Variants in ELK4 observed in about 807,000 individuals in gnomAD.
The protein encoded by ELK4 is ETS domain-containing protein Elk-4.
In ELK4, 16 loss-of-function variants were observed where a neutral mutation model predicts 29.6. That is an observed-to-expected ratio of 0.54 (90% CI 0.37 to 0.82). The LOEUF (loss-of-function observed/expected upper bound fraction) is 0.82. ELK4 is among the 40% of genes least tolerant of loss of function. The pLI is 0.00. For missense variants in ELK4, 465 were observed against 507.1 expected (o/e 0.92, Z 0.80); for synonymous variants, 213 against 191.1 (o/e 1.11, Z -0.95).
chr1:205,619,532 A>C (rs142151444), intron 3 of ELK4: 20,743 of 1,118,360 alleles, frequency 0.019, 231 homozygotes, highest in Non-Finnish European at 0.021. Flanking sequence ...TGAGATGAGC[A>C]AGTTAATAAA....
At chr1:205,619,694 G>A (rs1670296365) in intron 3 of ELK4, 2 of 1,428,928 alleles carry the variant, frequency 1.4e-6, no homozygotes, top group African/African-American at 1.4e-5. Flanking sequence ...GAGCGAGAGA[G>A]TGTGTGTACT....
At position 205,623,831 on chromosome 1, in the gene ELK4, G is replaced by T; in HGVS notation, c.52C>A (p.Pro18Thr). The T allele has an allele frequency of 1.9e-6, 3 of 1,614,184 alleles. No homozygotes were observed. Among genetic ancestry groups the T allele is most frequent in the Non-Finnish European group, 2.5e-6 (3 of 1,180,022 alleles). ...CAACAGATCATGTGCTTGTTCTGAG[G>T]CTTCTGCAGGAGCTGAAGAAGGAAC... ...WQFLLQLLQK[P>T]QNKHMICWTS... The change falls in exon 2 of 5, where the codon CCT becomes ACT. Residue 18 changes from proline (P) to threonine (T), a missense_variant. By Grantham distance (38) the Pro-to-Thr change is conservative. This residue lies in a region of ELK4 where 385 missense variants were observed against 387.5 expected (regional missense o/e 0.99). Coordinates refer to ENST00000357992, the MANE Select transcript of ELK4 (RefSeq NM_001973.4).
At position 205,609,349 on chromosome 1, in the gene ELK4, GGACT is replaced by G. The variant is rs1251168108; in HGVS notation, c.*7193_*7196del. On this transcript the variant is annotated 3_prime_UTR_variant, in exon 5 of 5. Transcript: ENST00000357992. ...AAAGCTAACCAGTAGCAAAATGACT[GGACT>G]GAATTTCATATTTAATCTTCCCTGC... 2 of 191,194 alleles carry G rather than the reference GGACT, an allele frequency of 1.0e-5. No individual in the cohort carries two copies. The highest frequency in any genetic ancestry group is 2.3e-5 in the African/African-American group (1 of 42,914). 11.8% of individuals were successfully genotyped at this position (191,194 alleles called of 1,614,324 possible).
Position 205,613,346 on chromosome 1 carries a change from A to AAAAAAG in ELK4, c.*3194_*3199dup, listed in dbSNP as rs966406606. 1 of 186,432 alleles carries AAAAAAG rather than the reference A, an allele frequency of 5.4e-6. No individual in the cohort carries two copies. The highest frequency in any genetic ancestry group is 1.1e-5 in the Non-Finnish European group (1 of 88,320). 11.5% of individuals were successfully genotyped at this position (186,432 alleles called of 1,614,324 possible). A position where few individuals can be genotyped will look rare whatever the true frequency, so the allele number is the denominator to read the frequency against. On this transcript the variant is annotated 3_prime_UTR_variant, in exon 5 of 5. Transcript: ENST00000357992. ...GGATTACTGAAAGATCTCATTTCTA[A>AAAAAAG]AAAAAGAAAAAGAAAAAGATCACTG...
intron 4 of ELK4, 114 bp downstream of exon 4, chr1:205,618,843 A>C (rs1379327699): frequency 1.3e-6 from 1 of 768,690 alleles, no homozygotes; most frequent in East Asian, 3.1e-5. Context: ...AAAAAAGAAT[A>C]TTCATTAAAT....
At position 205,612,177 on chromosome 1, in the gene ELK4, A is replaced by G. The variant is rs1200198022; in HGVS notation, c.*4369T>C. On this transcript the variant is annotated 3_prime_UTR_variant, in exon 5 of 5. Transcript: ENST00000357992. ...TATTATTTGGGAATTTATCAAAAAG[A>G]ATTAATGTGAAATTTCAAAAGTTGA... The G allele has an allele frequency of 5.0e-6, 1 of 200,894 alleles. No homozygotes were observed. The allele number at this position is 200,894 out of a possible 1,614,324, so 12.4% of individuals were successfully genotyped here. A position where few individuals can be genotyped will look rare whatever the true frequency, so the allele number is the denominator to read the frequency against.
intron 4 of ELK4, among the ~76,000 whole-genome samples, chr1:205,618,374 T>C (rs1670271586): frequency 6.6e-6 from 1 of 151,862 alleles, no homozygotes; most frequent in South Asian, 2.1e-4. Flanking sequence ...TGACAAAAAC[T>C]TGGGGTAGGC....
In ELK4 at chr1:205,614,804, A is replaced by G. The variant is rs993591941; in HGVS notation, c.*1742T>C. The G allele has an allele frequency of 4.4e-6, 1 of 227,470 alleles. No individual in the cohort carries two copies. Among genetic ancestry groups the G allele is most frequent in the East Asian group, 6.3e-5 (1 of 15,860 alleles). The allele number at this position is 227,470 out of a possible 1,614,324, so 14.1% of individuals were successfully genotyped here. A position where few individuals can be genotyped will look rare whatever the true frequency, so the allele number is the denominator to read the frequency against. ...TTCTTCATTTAGTTCATGTGATTCT[A>G]CAGGATTAGAAGACGAGTTTAACCG... On this transcript the variant is annotated 3_prime_UTR_variant, in exon 5 of 5. Coordinates refer to ENST00000357992, the MANE Select transcript of ELK4 (RefSeq NM_001973.4).
rs1404326705 is a variant in ELK4, at chr1:205,620,682, T to A, written c.364A>T (p.Asn122Tyr). 1 of 1,614,134 alleles carries A rather than the reference T, an allele frequency of 6.2e-7. No homozygotes were observed. Among genetic ancestry groups the A allele is most frequent in the Admixed American group, 1.7e-5 (1 of 60,022 alleles). The change falls in exon 3 of 5, where the codon AAT (asparagine) becomes TAT (tyrosine). Residue 122 changes from asparagine to tyrosine, a missense_variant. Physicochemically the swap from Asn to Tyr is moderately radical, Grantham distance 143 (BLOSUM62 -2). This residue lies in a region of ELK4 where 385 missense variants were observed against 387.5 expected (regional missense o/e 0.99). Transcript: ENST00000357992. Reference protein sequence around the residue: ...EVSSSSKDVENGGKDKPPQPG... With the variant: ...EVSSSSKDVEYGGKDKPPQPG... Reference sequence around the variant, plus strand: ...TGAGGTGGTTTATCTTTCCCTCCATTCTCCACATCTTTGGAACTGCTGCTG... The same window carrying A: ...TGAGGTGGTTTATCTTTCCCTCCATACTCCACATCTTTGGAACTGCTGCTG...
intron 3 of ELK4, chr1:205,619,651 T>A: frequency 7.3e-7 from 1 of 1,366,756 alleles, no homozygotes; most frequent in Non-Finnish European, 9.4e-7. Context: ...GTTTGTTTTA[T>A]AAGACACCAA....
chr1:205,625,512 G>A (rs534556232), intron 1 of ELK4: 54 of 741,386 alleles, frequency 7.3e-5, no homozygotes, highest in South Asian at 5.5e-4. Context: ...AAGAGCATCC[G>A]TTCAAGAAAC....
chr1:205,626,669 C>T (rs997521206), intron 1 of ELK4, among the ~76,000 whole-genome samples: 1 of 152,152 alleles, frequency 6.6e-6, no homozygotes. Flanking sequence ...ATAATCAAGA[C>T]AGACAGACAA....
Position 205,608,283 on chromosome 1 carries a change from T to C in ELK4, c.*8263A>G. On this transcript the variant is annotated 3_prime_UTR_variant, in exon 5 of 5. Transcript: ENST00000357992. The stretch of plus-strand genomic sequence containing the variant: ...GATGCACTGAGTATCAACTACACAT[T>C]TTTTTTTTCAAGCAGCATATTATTA... 5.1e-6 allele frequency: 1 copy of C among 195,604 alleles called. No individual in the cohort carries two copies. The highest frequency in any genetic ancestry group is 1.1e-5 in the Non-Finnish European group (1 of 94,250). 12.1% of individuals were successfully genotyped at this position (195,604 alleles called of 1,614,324 possible). A position where few individuals can be genotyped will look rare whatever the true frequency, so the allele number is the denominator to read the frequency against.
At position 205,631,840 on chromosome 1, in the gene ELK4, C is replaced by G. The variant is rs1412495812; in HGVS notation, c.-218G>C. 1 of 148,466 alleles carries G rather than the reference C, an allele frequency of 6.7e-6. No homozygotes were observed. The highest frequency in any genetic ancestry group is 1.5e-5 in the Non-Finnish European group (1 of 67,232). The allele number at this position is 148,466 out of a possible 1,614,324, so 9.2% of individuals were successfully genotyped here. The stretch of plus-strand genomic sequence containing the variant: ...TCTCCCGCCGCCGCGGCTCCTGGCG[C>G]CCCGCCCTCCCCGCCCCCGCACGCG... On this transcript the variant is annotated 5_prime_UTR_variant, in exon 1 of 5. Transcript: ENST00000357992.
In ELK4 at chr1:205,614,789, A is replaced by T. The variant is rs1347107120; in HGVS notation, c.*1757T>A. On this transcript the variant is annotated 3_prime_UTR_variant, in exon 5 of 5. Coordinates refer to ENST00000357992, the MANE Select transcript of ELK4 (RefSeq NM_001973.4). ...CCTTCAAGTTCTTACTTCTTCATTT[A>T]GTTCATGTGATTCTACAGGATTAGA... is the stretch of plus-strand genomic sequence containing the variant. 1 of 227,156 alleles carries T rather than the reference A, an allele frequency of 4.4e-6. No homozygotes were observed. Among genetic ancestry groups the T allele is most frequent in the Admixed American group, 5.7e-5 (1 of 17,578 alleles). 14.1% of individuals were successfully genotyped at this position (227,156 alleles called of 1,614,324 possible). A position where few individuals can be genotyped will look rare whatever the true frequency, so the allele number is the denominator to read the frequency against.
At chr1:205,624,000 A>G in intron 1 of ELK4, 109 bp from the exon 2 acceptor site, 1 of 1,005,992 alleles carries the variant, frequency 9.9e-7, no homozygotes, top group Non-Finnish European at 1.5e-6. Context: ...TCATCCCCAC[A>G]TTTCTATAAG....
intron 4 of ELK4, among the ~76,000 whole-genome samples, chr1:205,617,430 CA>C (rs1439862512): frequency 2.0e-5 from 3 of 151,886 alleles, no homozygotes; most frequent in African/African-American, 7.2e-5. Flanking sequence ...GTGTTTTGGG[CA>C]AAATAATGGC....
Position 205,620,661 on chromosome 1 carries a change from G to A in ELK4, c.385C>T (p.Pro129Ser). Reference sequence around the variant, plus strand: ...CTAGAGGTCTTGGCACCAGGCTGAGGTGGTTTATCTTTCCCTCCATTCTCC... The same window carrying A: ...CTAGAGGTCTTGGCACCAGGCTGAGATGGTTTATCTTTCCCTCCATTCTCC... ...DVENGGKDKPPQPGAKTSSRN... is the reference protein window; with the variant it reads ...DVENGGKDKPSQPGAKTSSRN... Residue 129 changes from proline to serine, a missense_variant, in exon 3 of 5, where the codon CCT (proline) becomes TCT (serine). Physicochemically the swap from Pro to Ser is moderately conservative, Grantham distance 74. This residue lies in a region of ELK4 where 385 missense variants were observed against 387.5 expected (regional missense o/e 0.99). Transcript: ENST00000357992. 1 of 1,614,128 alleles carries A rather than the reference G, an allele frequency of 6.2e-7. No individual in the cohort carries two copies. The highest frequency in any genetic ancestry group is 1.3e-5 in the African/African-American group (1 of 75,036).
At position 205,608,542 on chromosome 1, in the gene ELK4, C is replaced by T; in HGVS notation, c.*8004G>A. The T allele has an allele frequency of 5.2e-6, 1 of 192,624 alleles. No individual in the cohort carries two copies. The highest frequency in any genetic ancestry group is 2.0e-4 in the South Asian group (1 of 5,098). The allele number at this position is 192,624 out of a possible 1,614,324, so 11.9% of individuals were successfully genotyped here. ...GAAGTTTAATAAATGTTAGCAGTGACCATTTTAATTGCTTTTTTAGGAAAA... is the reference window on the plus strand; with the variant it reads ...GAAGTTTAATAAATGTTAGCAGTGATCATTTTAATTGCTTTTTTAGGAAAA... On this transcript the variant is annotated 3_prime_UTR_variant, in exon 5 of 5. Transcript: ENST00000357992.
Sources: gnomAD v4.1 joint callset for allele counts (sites outside exome capture counted in the v4.1 genomes callset) on GRCh38, gnomAD v4.1.1 for gene constraint, gnomAD v4.1.1 regional missense constraint, MANE v1.5 for transcripts, NCBI Gene and HGNC (gene_info 2026-07-23, HGNC 2026-07-21) for gene names.